Variants in ANK3 observed in about 807,000 individuals in gnomAD.
ANK3 encodes the protein ankyrin-3.
Under a neutral mutation model 370.9 loss-of-function variants are expected in ANK3, and 57 were observed. The ratio of observed to expected loss-of-function variants is 0.15; its 90% confidence interval spans 0.12 to 0.19. The LOEUF (loss-of-function observed/expected upper bound fraction) is 0.19, where lower values mean the gene tolerates loss of function less well. Among genes scored for constraint, ANK3 ranks in the 10% least tolerant of loss-of-function variants. The pLI is 1.00. For synonymous variants in ANK3, 1,929 were observed against 1,946.3 expected, an observed-to-expected ratio of 0.99 and a Z score of 0.23; for missense variants, 4,439 against 5,302.1, an observed-to-expected ratio of 0.84 and a Z score of 5.06.
chr10:60,263,732 A>G, intron 6 of ANK3, 103 bp downstream of exon 6: 2 of 1,315,562 alleles, frequency 1.5e-6, no homozygotes, highest in Non-Finnish European at 2.1e-6. Context: ...AATGAAGTTA[A>G]AGGCATGGCA....
At chr10:60,452,714 A>G (rs1442189866) in intron 2 of ANK3, among the ~76,000 whole-genome samples, 1 of 152,186 alleles carries the variant, frequency 6.6e-6, no homozygotes, top group African/African-American at 2.4e-5. Context: ...TATTTCCAAA[A>G]GTTCACCTTT....
intron 2 of ANK3, among the ~76,000 whole-genome samples, chr10:60,486,409 T>A (rs1056402131): frequency 6.6e-6 from 1 of 152,154 alleles, no homozygotes; most frequent in African/African-American, 2.4e-5. Context: ...CAAAACCACA[T>A]CTTTACTAAA....
chr10:60,432,932 TC>T (rs2064064218), intron 2 of ANK3, among the ~76,000 whole-genome samples: 1 of 152,078 alleles, frequency 6.6e-6, no homozygotes, highest in Admixed American at 6.5e-5. Flanking sequence ...ATCAGCCCAC[TC>T]CATCATCAAG....
chr10:60,561,804 G>C lies in ANK3; in HGVS notation c.96+53382C>G, dbSNP rs115123525. Among the ~76,000 whole-genome samples the C allele has an allele frequency of 2.5e-3, 377 of 152,214 alleles. 4 individuals are homozygous for C. The highest frequency in any genetic ancestry group is 8.2e-3 in the African/African-American group (342 of 41,536). On this transcript the variant is annotated intron_variant, in intron 2 of 43. Coordinates refer to the ANK3 transcript ENST00000373827. ...TCCAGAGTGGACCCAAGTCCCTGTG[G>C]TGACTGAGCACACTCACCACTCAAG...
At position 60,070,103 on chromosome 10, in the gene ANK3, G is replaced by A; in HGVS notation, c.10778C>T (p.Thr3593Ile). 1 of 1,614,110 alleles carries A rather than the reference G, an allele frequency of 6.2e-7. No individual in the cohort carries two copies. Residue 3593 changes from threonine to isoleucine, a missense_variant, in exon 37 of 44, where the codon ACC becomes ATC. By Grantham distance (89) the Thr-to-Ile change is moderately conservative. This residue lies in a region of ANK3 where 1,601 missense variants were observed against 1,731.7 expected (regional missense o/e 0.92). Coordinates refer to ENST00000280772, the MANE Select transcript of ANK3 (RefSeq NM_020987.5). The surrounding 1 kb of genome is among the most constrained non-coding windows in gnomAD (Gnocchi z 5.7). ...GAAGGGGTTAGGCTCACTAGTTGGG[G>A]TACTTTCATCAGTTGGCGTTCTGGC... ...TPARTPTDES[T>I]PTSEPNPFPF...
chr10:60,168,011 T>C (rs2095669364), intron 21 of ANK3, among the ~76,000 whole-genome samples: 1 of 152,174 alleles, frequency 6.6e-6, no homozygotes, highest in Non-Finnish European at 1.5e-5. Flanking sequence ...CCCCTTATTA[T>C]TAAAATCTTC....
chr10:60,605,739 T>C lies in ANK3; in HGVS notation c.96+9447A>G, dbSNP rs75106248. 8.0e-3 allele frequency among the ~76,000 whole-genome samples: 1,215 copies of C among 152,310 alleles called. 15 individuals are homozygous for C. Among genetic ancestry groups the C allele is most frequent in the African/African-American group, 0.024 (1,018 of 41,576 alleles). ...TGCTGTATTCATAGGCAGGTCAATA[T>C]GTGGCTTTGTGCAAGTCATGTAAGC... On this transcript the variant is annotated intron_variant, in intron 2 of 43. Transcript: ENST00000373827.
At chr10:60,141,561 G>GTTTTTTTTTTTTTTTTTTTTTTTTT (rs36033791) in intron 23 of ANK3, among the ~76,000 whole-genome samples, 1 of 49,044 alleles carries the variant, frequency 2.0e-5, no homozygotes, top group African/African-American at 9.3e-5. Flanking sequence ...TTCAATTGCT[G>GTTTTTTTTTTTTTTTTTTTTTTTTT]TTTTTTTTTT....
chr10:60,352,611 T>G (rs993300817), intron 1 of ANK3, among the ~76,000 whole-genome samples: 1 of 152,170 alleles, frequency 6.6e-6, no homozygotes, highest in African/African-American at 2.4e-5. Flanking sequence ...AGGTGAGAAC[T>G]TCCTATGATG....
chr10:60,399,268 T>G (rs1266098259), intron 2 of ANK3, among the ~76,000 whole-genome samples: 1 of 152,042 alleles, frequency 6.6e-6, no homozygotes, highest in African/African-American at 2.4e-5. Flanking sequence ...GATGTGGAAG[T>G]TATGGAAAGA....
intron 2 of ANK3, among the ~76,000 whole-genome samples, chr10:60,528,925 G>A (rs147482227): frequency 1.8e-3 from 269 of 152,230 alleles, no homozygotes; most frequent in Admixed American, 3.5e-3. Context: ...ACTGCCTAAA[G>A]AACTGAGATG....
intron 2 of ANK3, among the ~76,000 whole-genome samples, chr10:60,461,932 G>A (rs1424698385): frequency 6.6e-6 from 1 of 152,184 alleles, no homozygotes; most frequent in East Asian, 1.9e-4. Context: ...GTACAATGCT[G>A]CTTAGATGCT....
intron 1 of ANK3, among the ~76,000 whole-genome samples, chr10:60,695,876 G>A (rs1254855484): frequency 1.3e-5 from 2 of 151,580 alleles, no homozygotes; most frequent in Non-Finnish European, 2.9e-5. Context: ...TCAAAAGCTA[G>A]CAGAAGGCAA....
chr10:60,511,211 T>G (rs2076070900), intron 2 of ANK3, among the ~76,000 whole-genome samples: 1 of 152,172 alleles, frequency 6.6e-6, no homozygotes, highest in Non-Finnish European at 1.5e-5. Context: ...TAATCCTTAT[T>G]TATCTCCTTT....
At chr10:60,556,521 A>T (rs763578460) in intron 2 of ANK3, among the ~76,000 whole-genome samples, 11 of 152,170 alleles carry the variant, frequency 7.2e-5, no homozygotes, top group Non-Finnish European at 1.6e-4. Context: ...CTAAAAACTC[A>T]TGCAGGTATC....
intron 2 of ANK3, among the ~76,000 whole-genome samples, chr10:60,454,906 G>A (rs1374255222): frequency 6.6e-6 from 1 of 152,048 alleles, no homozygotes; most frequent in Non-Finnish European, 1.5e-5. Flanking sequence ...TTGAGCAGGG[G>A]GAAAGTAAGA....
intron 25 of ANK3, among the ~76,000 whole-genome samples, chr10:60,129,384 G>T (rs1447691721): frequency 6.6e-6 from 1 of 151,976 alleles, no homozygotes; most frequent in Non-Finnish European, 1.5e-5. Context: ...TTCAACCTTG[G>T]GTTCATTTAG....
chr10:60,550,580 G>A (rs2077067537), intron 2 of ANK3, among the ~76,000 whole-genome samples: 1 of 151,468 alleles, frequency 6.6e-6, no homozygotes, highest in Non-Finnish European at 1.5e-5. Flanking sequence ...TATATTTCTT[G>A]TATTCTTAAA....
At chr10:60,614,517 T>A (rs1341295266) in intron 2 of ANK3, among the ~76,000 whole-genome samples, 2 of 152,036 alleles carry the variant, frequency 1.3e-5, no homozygotes, top group Non-Finnish European at 2.9e-5. Flanking sequence ...GAATAGTGGA[T>A]GGCATGAGCA....
Sources: gnomAD v4.1 joint callset for allele counts (sites outside exome capture counted in the v4.1 genomes callset) on GRCh38, gnomAD v4.1.1 for gene constraint, gnomAD v4.1.1 regional missense constraint, Gnocchi (gnomAD v3.1) non-coding constraint, MANE v1.5 for transcripts, NCBI Gene and HGNC (gene_info 2026-07-23, HGNC 2026-07-21) for gene names.